The following MAN2B2 variants were observed in gnomAD, a reference collection of about 807,000 sequenced individuals.
MAN2B2 encodes epididymis-specific alpha-mannosidase.
In MAN2B2, 106 loss-of-function variants were observed where a neutral mutation model predicts 117.1. The observed-to-expected ratio is 0.90, with a 90% CI of 0.77 to 1.06. MAN2B2 has a LOEUF of 1.06. Among genes scored for constraint, MAN2B2 ranks in the 50% least tolerant of loss-of-function variants. The probability of loss-of-function intolerance (pLI) is 0.00; values close to 1 mark genes in which losing one functional copy is unlikely to be tolerated. For missense variants in MAN2B2, 1,326 were observed against 1,381.4 expected, an observed-to-expected ratio of 0.96 and a Z score of 0.64; for synonymous variants, 544 against 595.1, an observed-to-expected ratio of 0.91 and a Z score of 1.25.
Position 6,593,235 on chromosome 4 carries a change from C to G in MAN2B2, c.743C>G (p.Pro248Arg). 1 of 1,613,964 alleles carries G rather than the reference C, an allele frequency of 6.2e-7. No individual in the cohort carries two copies. The highest frequency in any genetic ancestry group is 8.5e-7 in the Non-Finnish European group (1 of 1,179,942). The change falls in exon 6 of 19, where the codon CCC (proline) becomes CGC (arginine). Residue 248 changes from proline (P) to arginine (R), a missense_variant. Physicochemically the swap from Pro to Arg is moderately radical, Grantham distance 103. Coordinates refer to ENST00000285599, the MANE Select transcript of MAN2B2 (RefSeq NM_015274.3). ...FPKPPQDGVY[P>R]NMSEPVTPAN... ...AAGCCTCCCCAAGATGGGGTGTACC[C>G]CAACATGAGTGAGCCTGTCACCCCA...
chr4:6,617,425 G>T lies in MAN2B2; in HGVS notation c.2747G>T (p.Arg916Leu), dbSNP rs140525110. 6.2e-7 allele frequency: 1 copy of T among 1,614,120 alleles called. No homozygotes were observed. Among genetic ancestry groups the T allele is most frequent in the East Asian group, 2.2e-5 (1 of 44,866 alleles). Residue 916 changes from arginine (R) to leucine (L), a missense_variant, in exon 17 of 19, where the codon CGG (arginine) becomes CTG (leucine). Transcript: ENST00000285599. Reference protein sequence around the residue: ...AQADLRRVLLRLYHLYEVGED... With the variant: ...AQADLRRVLLLLYHLYEVGED... ...GCTGACCTCCGCCGTGTCCTGCTGC[G>T]GCTCTACCACCTATATGAAGTGGGC...
chr4:6,600,106 C>G (rs892172582), intron 9 of MAN2B2, among the ~76,000 whole-genome samples: 3 of 152,192 alleles, frequency 2.0e-5, no homozygotes, highest in African/African-American at 7.2e-5. Context: ...CCAGACCTCA[C>G]ACACATGGGC....
At chr4:6,615,633 C>T (rs1185929153) in intron 16 of MAN2B2, among the ~76,000 whole-genome samples, 1 of 150,576 alleles carries the variant, frequency 6.6e-6, no homozygotes, top group Non-Finnish European at 1.5e-5. Flanking sequence ...TCTGTCTCTA[C>T]AAAAAAAAAT....
chr4:6,577,277 A>G lies in MAN2B2; in HGVS notation c.285+553A>G, dbSNP rs142792618. Among the ~76,000 whole-genome samples the G allele has an allele frequency of 7.9e-3, 1,202 of 152,308 alleles. 12 individuals are homozygous for G. The highest frequency in any genetic ancestry group is 0.027 in the African/African-American group (1,138 of 41,566). On this transcript the variant is annotated intron_variant, in intron 2 of 18. Transcript: ENST00000285599. ...CCTGCGAGCCACAGATTCCACTTCTATTAAACGGGGGTGACCGCCCCATTG... is the reference window on the plus strand; with the variant it reads ...CCTGCGAGCCACAGATTCCACTTCTGTTAAACGGGGGTGACCGCCCCATTG...
intron 7 of MAN2B2, among the ~76,000 whole-genome samples, chr4:6,596,682 G>A (rs1241494775): frequency 6.6e-6 from 1 of 152,084 alleles, no homozygotes; most frequent in Non-Finnish European, 1.5e-5. Flanking sequence ...CCATGCCCAC[G>A]TCACACATGA....
chr4:6,578,525 G>C (rs368347741), intron 3 of MAN2B2, 27 bp downstream of exon 3: 4 of 1,591,216 alleles, frequency 2.5e-6, no homozygotes, highest in Non-Finnish European at 3.4e-6. Context: ...CTGCACCCAG[G>C]GTCCCTCAGG....
At chr4:6,597,669 A>G (rs1213017899) in intron 8 of MAN2B2, among the ~76,000 whole-genome samples, 1 of 152,196 alleles carries the variant, frequency 6.6e-6, no homozygotes. Flanking sequence ...CCTCCTGTAC[A>G]ATGAGAACAA....
chr4:6,592,980 T>C (rs1472736546), intron 5 of MAN2B2, among the ~76,000 whole-genome samples, 193 bp from the exon 6 acceptor site: 1 of 152,224 alleles, frequency 6.6e-6, no homozygotes, highest in Admixed American at 6.5e-5. Flanking sequence ...CGGGGTCTGA[T>C]GGGCGAGAAG....
At chr4:6,582,865 C>T (rs1197842896) in intron 3 of MAN2B2, among the ~76,000 whole-genome samples, 2 of 151,244 alleles carry the variant, frequency 1.3e-5, no homozygotes, top group East Asian at 2.0e-4. Context: ...CTCTGCCCTG[C>T]ATGTGCTAGT....
At chr4:6,616,212 AAGC>A (rs1711865136) in intron 16 of MAN2B2, among the ~76,000 whole-genome samples, 2 of 152,020 alleles carry the variant, frequency 1.3e-5, no homozygotes, top group Non-Finnish European at 2.9e-5. Context: ...AGGGTTTAGG[AAGC>A]ACCTGTGTTA....
intron 15 of MAN2B2, among the ~76,000 whole-genome samples, chr4:6,611,734 C>T (rs924458472): frequency 2.6e-5 from 4 of 152,180 alleles, no homozygotes; most frequent in Non-Finnish European, 5.9e-5. Context: ...GCAGAGGTTG[C>T]AGGGAGCTGA....
chr4:6,600,931 C>T (rs1035079351), intron 10 of MAN2B2, among the ~76,000 whole-genome samples, 175 bp downstream of exon 10: 1 of 152,170 alleles, frequency 6.6e-6, no homozygotes, highest in Non-Finnish European at 1.5e-5. Context: ...CCACCCAATT[C>T]TCCACTTTTC....
intron 2 of MAN2B2, 112 bp downstream of exon 2, chr4:6,576,836 A>G: frequency 1.5e-6 from 2 of 1,313,570 alleles, no homozygotes; most frequent in Non-Finnish European, 1.1e-6. Flanking sequence ...CATAAACCAC[A>G]GGGCCAAAAC....
Position 6,589,137 on chromosome 4 carries a change from G to A in MAN2B2, c.657G>A (p.Pro219=), listed in dbSNP as rs370370080. Residue 219 remains proline (P), a synonymous_variant, in exon 5 of 19, where the codon CCG becomes CCA. Transcript: ENST00000285599. ...HIMDQYSYCT[P]SHIPFSNRSG... is the part of the protein sequence containing the mutation. ...TGGACCAGTACAGCTACTGCACCCC[G>A]TCCCACATCCCTTTCTCCAACAGGT... The A allele has an allele frequency of 1.0e-4, 162 of 1,614,082 alleles. No homozygotes were observed. The highest frequency in any genetic ancestry group is 6.5e-4 in the East Asian group (29 of 44,874).
intron 18 of MAN2B2, chr4:6,620,633 G>A (rs1047059500): frequency 3.7e-5 from 6 of 161,284 alleles, no homozygotes; most frequent in East Asian, 1.8e-4. Flanking sequence ...GCATGGTGGC[G>A]GGTGCATGGT....
rs765855025 is a variant in MAN2B2, at chr4:6,605,316, A to G, written c.1801A>G (p.Ser601Gly). ...CGACCAGGATACCAACCTGATGCAC[A>G]GCATCTGGGAGAGGTAAGGTGCAGC... The part of the protein sequence containing the change: ...LLDQDTNLMH[S>G]IWERQSNRTV... The change falls in exon 11 of 19, where the codon AGC (serine) becomes GGC (glycine). Residue 601 changes from serine (S) to glycine (G), a missense_variant. Transcript: ENST00000285599. The G allele has an allele frequency of 1.9e-6, 3 of 1,608,596 alleles. No homozygotes were observed. The highest frequency in any genetic ancestry group is 3.3e-5 in the Admixed American group (2 of 59,926).
At chr4:6,584,080 C>T (rs989505243) in intron 3 of MAN2B2, among the ~76,000 whole-genome samples, 12 of 152,300 alleles carry the variant, frequency 7.9e-5, no homozygotes, top group Non-Finnish European at 1.6e-4. Flanking sequence ...AGGAAATGCC[C>T]TCTCCCTAGT....
At chr4:6,599,312 C>G (rs1046822571) in intron 9 of MAN2B2, among the ~76,000 whole-genome samples, 2 of 151,910 alleles carry the variant, frequency 1.3e-5, no homozygotes, top group Admixed American at 1.3e-4. Flanking sequence ...CACCATGTTG[C>G]CAGGATGGTC....
chr4:6,598,752 C>G (rs1180080531), intron 9 of MAN2B2, among the ~76,000 whole-genome samples: 1 of 152,222 alleles, frequency 6.6e-6, no homozygotes, highest in Non-Finnish European at 1.5e-5. Flanking sequence ...TAGGAAGGAG[C>G]AGAGCAGGGA....
Sources: allele counts gnomAD v4.1 joint callset (sites outside exome capture counted in the v4.1 genomes callset), GRCh38; gene constraint gnomAD v4.1.1; transcripts MANE v1.5; gene names NCBI Gene and HGNC (gene_info 2026-07-23, HGNC 2026-07-21).